Variants in SFSWAP observed in about 807,000 individuals in gnomAD.
The protein encoded by SFSWAP is splicing factor, suppressor of white-apricot homolog.
SFSWAP carries 17 observed loss-of-function variants against 100.7 expected under a neutral mutation model. That is an observed-to-expected ratio of 0.17 (90% confidence interval 0.12 to 0.25). The LOEUF (loss-of-function observed/expected upper bound fraction) is 0.25, where lower values mean the gene tolerates loss of function less well. Ranked by LOEUF, SFSWAP falls within the 10% of genes least tolerant of loss-of-function variation. The pLI is 1.00. For synonymous variants in SFSWAP, 504 were observed against 510.1 expected (o/e 0.99, Z 0.16); for missense variants, 1,005 against 1,262.6 (o/e 0.80, Z 3.09).
chr12:131,711,682 C>G lies in SFSWAP; in HGVS notation c.218+235C>G, dbSNP rs1877363103. 1.9e-6 allele frequency: 1 copy of G among 528,694 alleles called. No individual in the cohort carries two copies. Among genetic ancestry groups the G allele is most frequent in the African/African-American group, 1.9e-5 (1 of 52,094 alleles). 32.8% of individuals were successfully genotyped at this position (528,694 alleles called of 1,614,324 possible). ...CCGCGTCCGTCTCCGGAGGGATCGTCTCTGGTCCCGCAGCCCCTCTCGACC... is the reference window on the plus strand; with the variant it reads ...CCGCGTCCGTCTCCGGAGGGATCGTGTCTGGTCCCGCAGCCCCTCTCGACC... On this transcript the variant is annotated intron_variant, in intron 1 of 17. Transcript: ENST00000261674. The surrounding 1 kb of genome is among the most constrained non-coding windows in gnomAD (Gnocchi z 4.9).
At chr12:131,726,052 T>G (rs1457156352) in intron 5 of SFSWAP, among the ~76,000 whole-genome samples, 1 of 152,226 alleles carries the variant, frequency 6.6e-6, no homozygotes, top group Non-Finnish European at 1.5e-5. Flanking sequence ...TTGGATTATC[T>G]ATTTTAAGCT....
At chr12:131,793,031 A>G (rs1885385075) in intron 15 of SFSWAP, among the ~76,000 whole-genome samples, 1 of 152,204 alleles carries the variant, frequency 6.6e-6, no homozygotes. Context: ...TCCATACCCA[A>G]AGGGCAGGGG....
At chr12:131,759,978 A>G (rs11246800) in intron 11 of SFSWAP, among the ~76,000 whole-genome samples, 1 of 152,326 alleles carries the variant, frequency 6.6e-6, no homozygotes, top group East Asian at 1.9e-4. Context: ...GTTGATGATG[A>G]AACTTCTTTA....
At chr12:131,747,008 G>A (rs1881180924) in intron 7 of SFSWAP, among the ~76,000 whole-genome samples, 2 of 151,528 alleles carry the variant, frequency 1.3e-5, no homozygotes, top group African/African-American at 4.8e-5. Flanking sequence ...GGAGGCTGAA[G>A]CAGGAGAATG....
At chr12:131,799,369 T>G in intron 17 of SFSWAP, 54 bp from the exon 18 acceptor site, 2 of 1,542,792 alleles carry the variant, frequency 1.3e-6, no homozygotes, top group Non-Finnish European at 1.8e-6. Context: ...CTTCACCACG[T>G]GGGTTGTCTG....
intron 11 of SFSWAP, chr12:131,756,957 T>G: frequency 3.8e-6 from 1 of 259,994 alleles, no homozygotes; most frequent in Non-Finnish European, 7.3e-6. Flanking sequence ...ACTATTTATA[T>G]GCAAACTGTT....
At chr12:131,759,975 A>G (rs2136232160) in intron 11 of SFSWAP, among the ~76,000 whole-genome samples, 1 of 152,334 alleles carries the variant, frequency 6.6e-6, no homozygotes, top group South Asian at 2.1e-4. Flanking sequence ...GATGTTGATG[A>G]TGAAACTTCT....
chr12:131,770,698 A>G (rs928128860), intron 13 of SFSWAP, among the ~76,000 whole-genome samples: 4 of 152,166 alleles, frequency 2.6e-5, no homozygotes, highest in African/African-American at 4.8e-5. Context: ...TTGAGTTTTT[A>G]ACATAAAGGT....
chr12:131,782,776 C>G (rs915852211), intron 14 of SFSWAP, among the ~76,000 whole-genome samples: 2 of 152,190 alleles, frequency 1.3e-5, no homozygotes. Context: ...ATGGGCGACT[C>G]TGGATCTCCA....
At chr12:131,782,320 A>G (rs1448671458) in intron 14 of SFSWAP, among the ~76,000 whole-genome samples, 1 of 152,222 alleles carries the variant, frequency 6.6e-6, no homozygotes, top group Non-Finnish European at 1.5e-5. Context: ...AATCATTTCC[A>G]GGGATCCAAG....
At chr12:131,744,962 G>A (rs148445345) in intron 7 of SFSWAP, among the ~76,000 whole-genome samples, 200 of 152,198 alleles carry the variant, frequency 1.3e-3, no homozygotes, top group African/African-American at 4.4e-3. Context: ...TGAGAACAGC[G>A]CAGGAAAGAC....
chr12:131,768,615 G>A (rs776443769), intron 13 of SFSWAP, among the ~76,000 whole-genome samples: 4 of 152,158 alleles, frequency 2.6e-5, no homozygotes, highest in South Asian at 2.1e-4. Context: ...CCTGAGTCCC[G>A]AGTGCTCTGG....
chr12:131,757,564 G>C (rs1348908129), intron 11 of SFSWAP: 2 of 153,046 alleles, frequency 1.3e-5, no homozygotes, highest in African/African-American at 4.8e-5. Flanking sequence ...TGGCAGTGGG[G>C]TGAGGTGTGG....
intron 9 of SFSWAP, 46 bp downstream of exon 9, chr12:131,754,545 T>A: frequency 7.2e-7 from 1 of 1,389,584 alleles, no homozygotes; most frequent in Middle Eastern, 1.9e-4. Context: ...ATTTGGGGGT[T>A]TCGTTTAGCC....
In SFSWAP at chr12:131,734,663, C is replaced by T. The variant is rs1216785598; in HGVS notation, c.1081+6235C>T. ...TCGATCCAAGGGGCCACGGGGCTCC[C>T]AGGAACATTCACCGAGTAACTTCAG... On this transcript the variant is annotated intron_variant, in intron 7 of 17. Coordinates refer to ENST00000261674, the MANE Select transcript of SFSWAP (RefSeq NM_004592.4). This position sits in a 1 kb window ranked among gnomAD's most constrained non-coding sequence, Gnocchi z 4.9. Among the ~76,000 whole-genome samples the T allele has an allele frequency of 1.3e-5, 2 of 152,218 alleles. No homozygotes were observed. The highest frequency in any genetic ancestry group is 2.4e-5 in the African/African-American group (1 of 41,456).
rs148308311 is a variant in SFSWAP at position 131,753,979 on chromosome 12, C to G, written c.1323-389C>G. On this transcript the variant is annotated intron_variant, in intron 8 of 17. Coordinates refer to ENST00000261674, the MANE Select transcript of SFSWAP (RefSeq NM_004592.4). ...CACGCGAGTTTCTGTGAAAACGACT[C>G]TTTCTGGTCATGCTGAGCAAGTCAG... 7.5e-4 allele frequency among the ~76,000 whole-genome samples: 114 copies of G among 152,302 alleles called. 3 individuals carry two copies. In the East Asian group the frequency reaches 0.014, roughly 19 times the overall value.
intron 7 of SFSWAP, among the ~76,000 whole-genome samples, chr12:131,728,723 C>T (rs1400616708): frequency 5.6e-5 from 8 of 143,116 alleles, no homozygotes; most frequent in African/African-American, 1.8e-4. Context: ...TTTTTTGAGG[C>T]GAGGTTTCAC....
At chr12:131,747,919 T>A (rs758589165) in intron 7 of SFSWAP, among the ~76,000 whole-genome samples, 11 of 152,220 alleles carry the variant, frequency 7.2e-5, no homozygotes, top group Non-Finnish European at 1.3e-4. Context: ...TCAAAGCCAC[T>A]GAACTTAGAA....
rs905645730 is a variant in SFSWAP at position 131,764,768 on chromosome 12, G to C, written c.1951+82G>C. ...TATCTGCTAAGCCAAAAAATCTCGAGGCTGCCAACTAGAATCTGAAGCCTT... is the reference window on the plus strand; with the variant it reads ...TATCTGCTAAGCCAAAAAATCTCGACGCTGCCAACTAGAATCTGAAGCCTT... On this transcript the variant is annotated intron_variant, in intron 12 of 17. Transcript: ENST00000261674. 22 of 975,932 alleles carry C rather than the reference G, an allele frequency of 2.3e-5. No homozygotes were observed. The African/African-American group carries it at 3.5e-4, about 15-fold the overall frequency. 60.5% of individuals were successfully genotyped at this position (975,932 alleles called of 1,614,324 possible).
Sources: gnomAD v4.1 joint callset for allele counts (sites outside exome capture counted in the v4.1 genomes callset) on GRCh38, gnomAD v4.1.1 for gene constraint, Gnocchi (gnomAD v3.1) non-coding constraint, MANE v1.5 for transcripts, NCBI Gene and HGNC (gene_info 2026-07-23, HGNC 2026-07-21) for gene names.